The following FAM135A variants were observed in gnomAD, a reference collection of about 807,000 sequenced individuals.
FAM135A encodes the protein protein FAM135A.
Under a neutral mutation model 146.8 loss-of-function variants are expected in FAM135A, and 79 were observed. The ratio of observed to expected loss-of-function variants is 0.54; its 90% CI spans 0.45 to 0.65. FAM135A has a LOEUF of 0.65. Ranked by LOEUF, FAM135A falls within the 30% of genes least tolerant of loss-of-function variation. FAM135A has a pLI of 0.00. For synonymous variants in FAM135A, 562 were observed against 603.6 expected (o/e 0.93, Z 1.01); for missense variants, 1,623 against 1,758.2 (o/e 0.92, Z 1.38).
chr6:70,487,659 A>C (rs555204035), intron 10 of FAM135A, among the ~76,000 whole-genome samples: 1 of 152,290 alleles, frequency 6.6e-6, no homozygotes, highest in African/African-American at 2.4e-5. Context: ...GGAACATAGT[A>C]TTATATTCTC....
At chr6:70,508,299 C>T (rs1790248674) in intron 12 of FAM135A, among the ~76,000 whole-genome samples, 1 of 152,130 alleles carries the variant, frequency 6.6e-6, no homozygotes, top group Admixed American at 6.6e-5. Context: ...GATTTCTGCT[C>T]ACAAGCCTTT....
Position 70,414,515 on chromosome 6 carries a change from T to TC in FAM135A, c.-219-767dup, listed in dbSNP as rs113390358. Among the ~76,000 whole-genome samples, 651 of 130,746 alleles carry TC rather than the reference T, an allele frequency of 5.0e-3. 9 individuals carry two copies. Among genetic ancestry groups the TC allele is most frequent in the South Asian group, 0.019 (68 of 3,622 alleles). 85.8% of individuals were successfully genotyped at this position (130,746 alleles called of 152,430 possible). A position where few individuals can be genotyped will look rare whatever the true frequency, so the allele number is the denominator to read the frequency against. On this transcript the variant is annotated intron_variant, in intron 1 of 21. Transcript: ENST00000418814. ...TTTCCCCTCCAAAACTCTTCCACCCTCCCCCCCCCATTTGTATAAGTCAAG... is the reference window on the plus strand; with the variant it reads ...TTTCCCCTCCAAAACTCTTCCACCCTCCCCCCCCCCATTTGTATAAGTCAAG...
intron 21 of FAM135A, chr6:70,557,207 G>A (rs1801016357): frequency 2.5e-6 from 1 of 393,396 alleles, no homozygotes; most frequent in Admixed American, 4.2e-5. Context: ...TGGCAGCAAG[G>A]ATTTGCCCCT....
intron 4 of FAM135A, among the ~76,000 whole-genome samples, chr6:70,442,834 A>G (rs745978901): frequency 8.5e-5 from 13 of 152,220 alleles, no homozygotes; most frequent in African/African-American, 1.9e-4. Flanking sequence ...TAAATTTACA[A>G]AAATCTAAGA....
chr6:70,557,126 T>C, intron 21 of FAM135A: 1 of 539,358 alleles, frequency 1.9e-6, no homozygotes, highest in Non-Finnish European at 3.3e-6. Flanking sequence ...TGATTTCCTC[T>C]GAATTAATGG....
chr6:70,524,768 A>G lies in FAM135A; in HGVS notation c.1684A>G (p.Lys562Glu), dbSNP rs1480853197. Reference sequence around the variant, plus strand: ...AATATGTGGATATAATTTTGACCCAAAGACCTACATGAGACAGACAAGTCA... The same window carrying G: ...AATATGTGGATATAATTTTGACCCAGAGACCTACATGAGACAGACAAGTCA... ...PTICGYNFDP[K>E]TYMRQTSQKE... The change falls in exon 15 of 22, where the codon AAG becomes GAG. Residue 562 changes from lysine (K) to glutamate (E), a missense_variant. Lys to Glu is a moderately conservative substitution (Grantham distance 56, BLOSUM62 1). Around this residue, in one of 7 missense-constraint regions of FAM135A, gnomAD observed 1,061 missense variants for 1,113.8 expected, o/e 0.95. Coordinates refer to ENST00000418814, the MANE Select transcript of FAM135A (RefSeq NM_001162529.3). 2.6e-6 allele frequency: 4 copies of G among 1,549,738 alleles called. No homozygotes were observed. In the African/African-American group the frequency reaches 5.5e-5, roughly 21 times the overall value.
rs903167312 is a variant in FAM135A, at chr6:70,512,436, A to AT, written c.1029+9654dup. On this transcript the variant is annotated intron_variant, in intron 12 of 21. Transcript: ENST00000418814. ...TTTATCTTCAACTTAATAAAAAATCATTTTTTTTTCCAAAATGGCTATACA... is the reference window on the plus strand; with the variant it reads ...TTTATCTTCAACTTAATAAAAAATCATTTTTTTTTTCCAAAATGGCTATACA... Among the ~76,000 whole-genome samples, 51 of 150,796 alleles carry AT rather than the reference A, an allele frequency of 3.4e-4. No homozygotes were observed. The East Asian group carries it at 8.7e-3, about 26-fold the overall frequency.
In FAM135A at chr6:70,526,071, T is replaced by C; in HGVS notation, c.2987T>C (p.Met996Thr). 2 of 1,612,044 alleles carry C rather than the reference T, an allele frequency of 1.2e-6. No homozygotes were observed. The highest frequency in any genetic ancestry group is 8.5e-7 in the Non-Finnish European group (1 of 1,179,304). Residue 996 changes from methionine (M) to threonine (T), a missense_variant, in exon 15 of 22, where the codon ATG (methionine) becomes ACG (threonine). Physicochemically the swap from Met to Thr is moderately conservative, Grantham distance 81. This residue lies in a region of FAM135A where 1,061 missense variants were observed against 1,113.8 expected (regional missense o/e 0.95). Transcript: ENST00000418814. ...ACAGATGTTAGTGAAGATAGAACTA[T>C]GAAAAAAAATAGTGATGTATTAAAT... is the stretch of plus-strand genomic sequence containing the variant. ...SNTDVSEDRT[M>T]KKNSDVLNLT...
chr6:70,543,093 G>A lies in FAM135A; in HGVS notation c.4228+4692G>A, dbSNP rs566881580. Among the ~76,000 whole-genome samples the A allele has an allele frequency of 1.1e-4, 16 of 152,132 alleles. No homozygotes were observed. In the South Asian group the frequency reaches 2.5e-3, roughly 24 times the overall value. On this transcript the variant is annotated intron_variant, in intron 20 of 21. Transcript: ENST00000418814. Reference sequence around the variant, plus strand: ...TACCATAGCTCTTCTAGTGTACACCGATTGAATTAACAAATGAATCAATGA... The same window carrying A: ...TACCATAGCTCTTCTAGTGTACACCAATTGAATTAACAAATGAATCAATGA...
At chr6:70,488,465 G>GCC (rs35342937) in intron 10 of FAM135A, among the ~76,000 whole-genome samples, 12 of 146,126 alleles carry the variant, frequency 8.2e-5, no homozygotes, top group African/African-American at 2.5e-4. Flanking sequence ...TAAGAGCCAA[G>GCC]CCCCCCCCCC....
At chr6:70,413,927 C>T (rs1264339639) in intron 1 of FAM135A, 33 of 985,260 alleles carry the variant, frequency 3.3e-5, no homozygotes, top group Non-Finnish European at 3.9e-5. Flanking sequence ...CGAGGGGCCG[C>T]GGCGCGCTGC....
At position 70,529,351 on chromosome 6, in the gene FAM135A, T is replaced by G. The variant is rs1343631039; in HGVS notation, c.3775+899T>G. Reference sequence around the variant, plus strand: ...AATATTACTGTATTATGAGATTCTATAGCAGCAAACTAGATTTTTGTGGAT... The same window carrying G: ...AATATTACTGTATTATGAGATTCTAGAGCAGCAAACTAGATTTTTGTGGAT... On this transcript the variant is annotated intron_variant, in intron 16 of 21. Transcript: ENST00000418814. 2.0e-5 allele frequency among the ~76,000 whole-genome samples: 3 copies of G among 151,112 alleles called. No homozygotes were observed. The East Asian group carries it at 5.8e-4, about 29-fold the overall frequency.
chr6:70,499,916 CT>C (rs1413656104), intron 11 of FAM135A, among the ~76,000 whole-genome samples: 2 of 152,112 alleles, frequency 1.3e-5, no homozygotes, highest in Admixed American at 6.5e-5. Context: ...CCATTTTTTC[CT>C]TCATTTCAAC....
intron 7 of FAM135A, 133 bp downstream of exon 7, chr6:70,475,866 C>T: frequency 2.9e-6 from 2 of 695,884 alleles, no homozygotes; most frequent in Non-Finnish European, 4.7e-6. Context: ...TCTGGGGAAA[C>T]TTCATGAGAA....
At chr6:70,472,275 T>G (rs1262178514) in intron 5 of FAM135A, among the ~76,000 whole-genome samples, 1 of 152,198 alleles carries the variant, frequency 6.6e-6, no homozygotes, top group Admixed American at 6.5e-5. Flanking sequence ...AAATTTACTT[T>G]CATTGAGGAG....
intron 5 of FAM135A, among the ~76,000 whole-genome samples, chr6:70,459,338 A>T (rs1394992463): frequency 2.6e-5 from 4 of 152,184 alleles, no homozygotes; most frequent in Non-Finnish European, 5.9e-5. Flanking sequence ...GTTGAGTGGG[A>T]TGGGAATTAG....
intron 8 of FAM135A, 99 bp from the exon 9 acceptor site, chr6:70,480,802 C>A: frequency 8.6e-7 from 1 of 1,167,220 alleles, no homozygotes; most frequent in Non-Finnish European, 1.1e-6. Context: ...CTTGCAAAAC[C>A]CTTGCTGTTC....
At chr6:70,477,398 G>A (rs1302627310) in intron 8 of FAM135A, 66 bp downstream of exon 8, 1 of 1,482,072 alleles carries the variant, frequency 6.7e-7, no homozygotes. Flanking sequence ...ACCTGAGACT[G>A]GTCAATTTAT....
At chr6:70,505,770 C>T (rs1377556313) in intron 12 of FAM135A, among the ~76,000 whole-genome samples, 5 of 151,484 alleles carry the variant, frequency 3.3e-5, no homozygotes, top group African/African-American at 7.3e-5. Flanking sequence ...TTTGTCTTTT[C>T]GAAAAAGCAA....
Sources: allele counts gnomAD v4.1 joint callset (sites outside exome capture counted in the v4.1 genomes callset), GRCh38; gene constraint gnomAD v4.1.1; regional missense constraint gnomAD v4.1.1; transcripts MANE v1.5; gene names NCBI Gene and HGNC (gene_info 2026-07-23, HGNC 2026-07-21).